Variants in BABAM2 observed in about 807,000 individuals in gnomAD.
BABAM2 encodes the protein BRISC and BRCA1 A complex member 2, also known as BRISC and BRCA1-A complex member 2.
A neutral mutation model predicts 54.7 loss-of-function variants in BABAM2; 31 were observed. The ratio of observed to expected loss-of-function variants is 0.57; its 90% CI spans 0.43 to 0.77. The LOEUF (loss-of-function observed/expected upper bound fraction) is 0.77. Ranked by LOEUF, BABAM2 falls within the 30% of genes least tolerant of loss-of-function variation. The pLI is 0.00. For missense variants in BABAM2, 364 were observed against 455.8 expected (o/e 0.80, Z 1.83); for synonymous variants, 167 against 162.9 (o/e 1.03, Z -0.19).
At chr2:28,336,438 C>T (rs80155280) in intron 11 of BABAM2, among the ~76,000 whole-genome samples, 17 of 145,794 alleles carry the variant, frequency 1.2e-4, no homozygotes, top group East Asian at 9.0e-4. Flanking sequence ...TGGTTGGAGA[C>T]GTGGGACTGG....
At position 27,899,551 on chromosome 2, in the gene BABAM2, C is replaced by T. The variant is rs182792602; in HGVS notation, c.128+4867C>T. Among the ~76,000 whole-genome samples, 12 of 151,758 alleles carry T rather than the reference C, an allele frequency of 7.9e-5. No homozygotes were observed. The East Asian group carries it at 2.1e-3, about 27-fold the overall frequency. ...GGGCAATGGCGCGATCTTGGCTCCT[C>T]AACCTCTGCCTTCTGGGTTCAAGCG... On this transcript the variant is annotated intron_variant, in intron 2 of 11. Coordinates refer to ENST00000379624, the MANE Select transcript of BABAM2 (RefSeq NM_199191.3).
At chr2:28,160,919 T>C (rs1411894049) in intron 7 of BABAM2, among the ~76,000 whole-genome samples, 1 of 152,172 alleles carries the variant, frequency 6.6e-6, no homozygotes, top group Non-Finnish European at 1.5e-5. Context: ...ATTTCTACTA[T>C]CTATGCTTTT....
chr2:28,194,189 C>A (rs1033105317), intron 7 of BABAM2, among the ~76,000 whole-genome samples: 1 of 152,032 alleles, frequency 6.6e-6, no homozygotes, highest in Non-Finnish European at 1.5e-5. Flanking sequence ...GGAAGTTTCC[C>A]AGGACAGATG....
chr2:28,279,648 G>A (rs1686176086), intron 10 of BABAM2, among the ~76,000 whole-genome samples: 5 of 149,528 alleles, frequency 3.3e-5, no homozygotes, highest in Admixed American at 2.0e-4. Context: ...TGCAGACAGG[G>A]CAGCTCAAAG....
At chr2:28,213,721 G>T (rs1662215590) in intron 7 of BABAM2, among the ~76,000 whole-genome samples, 1 of 151,942 alleles carries the variant, frequency 6.6e-6, no homozygotes, top group Non-Finnish European at 1.5e-5. Context: ...TACATTTTTG[G>T]TTTATTTATA....
At chr2:27,936,954 T>A (rs543982688) in intron 3 of BABAM2, among the ~76,000 whole-genome samples, 1 of 151,464 alleles carries the variant, frequency 6.6e-6, no homozygotes, top group East Asian at 1.9e-4. Flanking sequence ...ATAATAATAA[T>A]AACAAATAAA....
chr2:28,293,172 T>C (rs757041100), intron 10 of BABAM2, among the ~76,000 whole-genome samples: 4 of 152,230 alleles, frequency 2.6e-5, no homozygotes, highest in Non-Finnish European at 5.9e-5. Context: ...GGAGAAATCA[T>C]ATAATCAAAC....
At chr2:28,127,910 C>T (rs962806520) in intron 6 of BABAM2, among the ~76,000 whole-genome samples, 7 of 151,810 alleles carry the variant, frequency 4.6e-5, no homozygotes, top group Non-Finnish European at 1.0e-4. Flanking sequence ...GGGTTCATGC[C>T]ATTCTCCTGC....
At chr2:28,100,163 G>T (rs796743762) in intron 6 of BABAM2, among the ~76,000 whole-genome samples, 2 of 151,944 alleles carry the variant, frequency 1.3e-5, no homozygotes, top group African/African-American at 4.8e-5. Context: ...TAAGATGGCT[G>T]CCTTGGCCAG....
intron 6 of BABAM2, among the ~76,000 whole-genome samples, chr2:28,050,928 AT>A (rs1677951120): frequency 6.6e-6 from 1 of 152,152 alleles, no homozygotes; most frequent in Non-Finnish European, 1.5e-5. Flanking sequence ...TGCAAGAGAA[AT>A]TTCCTGCAAG....
Position 28,253,087 on chromosome 2 carries a change from A to G in BABAM2, c.934+8225A>G, listed in dbSNP as rs151078987. On this transcript the variant is annotated intron_variant, in intron 10 of 11. Coordinates refer to ENST00000379624, the MANE Select transcript of BABAM2 (RefSeq NM_199191.3). ...TGCAGAGCTTCTGCTGTTGTTGAAAATAATAGCAATAACAGTTCACAGGTA... is the reference window on the plus strand; with the variant it reads ...TGCAGAGCTTCTGCTGTTGTTGAAAGTAATAGCAATAACAGTTCACAGGTA... Among the ~76,000 whole-genome samples the G allele has an allele frequency of 3.9e-5, 6 of 152,344 alleles. No individual in the cohort carries two copies. The East Asian group carries it at 1.2e-3, about 29-fold the overall frequency.
intron 6 of BABAM2, among the ~76,000 whole-genome samples, chr2:28,061,264 A>C (rs957210182): frequency 6.6e-6 from 1 of 152,096 alleles, no homozygotes; most frequent in Non-Finnish European, 1.5e-5. Flanking sequence ...ACATGATGCT[A>C]GAACAATTGG....
At chr2:27,936,681 A>C (rs1336726952) in intron 3 of BABAM2, among the ~76,000 whole-genome samples, 1 of 152,194 alleles carries the variant, frequency 6.6e-6, no homozygotes, top group Non-Finnish European at 1.5e-5. Flanking sequence ...CATCATTCTC[A>C]GTAAACTATC....
At chr2:28,316,237 T>C (rs1222817293) in intron 11 of BABAM2, among the ~76,000 whole-genome samples, 1 of 151,874 alleles carries the variant, frequency 6.6e-6, no homozygotes, top group Non-Finnish European at 1.5e-5. Flanking sequence ...TTCCCCATAT[T>C]TGGGGAAGGA....
chr2:28,214,989 T>C (rs1034705602), intron 7 of BABAM2, among the ~76,000 whole-genome samples: 1 of 152,124 alleles, frequency 6.6e-6, no homozygotes, highest in African/African-American at 2.4e-5. Context: ...TATTGTTAAT[T>C]CTACATCAAT....
intron 4 of BABAM2, among the ~76,000 whole-genome samples, chr2:27,990,846 A>G (rs1195343436): frequency 1.3e-5 from 2 of 151,782 alleles, no homozygotes; most frequent in Non-Finnish European, 2.9e-5. Flanking sequence ...TTTAAATCAA[A>G]TCGTTTCTGG....
At chr2:28,184,263 CCTCTCT>C (rs757881813) in intron 7 of BABAM2, among the ~76,000 whole-genome samples, 1,266 of 59,402 alleles carry the variant, frequency 0.021, 18 homozygotes, top group South Asian at 0.093. Context: ...TCCCTCCCTC[CCTCTCT>C]CTCTCTCTCT....
intron 6 of BABAM2, among the ~76,000 whole-genome samples, chr2:28,055,946 G>A (rs2148629761): frequency 6.6e-6 from 1 of 152,288 alleles, no homozygotes; most frequent in South Asian, 2.1e-4. Context: ...GCCACAACAT[G>A]GGTGAGCCTG....
chr2:28,038,440 G>A (rs1261930421), intron 5 of BABAM2, among the ~76,000 whole-genome samples: 1 of 152,150 alleles, frequency 6.6e-6, no homozygotes. Flanking sequence ...GGGTTATGTT[G>A]TGTGATGTTA....
Sources: allele counts gnomAD v4.1 joint callset (sites outside exome capture counted in the v4.1 genomes callset), GRCh38; gene constraint gnomAD v4.1.1; transcripts MANE v1.5; gene names NCBI Gene and HGNC (gene_info 2026-07-23, HGNC 2026-07-21).